ROBO2: variants seen among roughly 807,000 people sequenced by gnomAD.
ROBO2 encodes roundabout homolog 2.
Under a neutral mutation model 160.8 loss-of-function variants are expected in ROBO2, and 53 were observed. That is an observed-to-expected ratio of 0.33 (90% CI 0.26 to 0.41). ROBO2 has a LOEUF of 0.41. ROBO2 is among the 10% of genes least tolerant of loss of function. The pLI, the probability that ROBO2 is intolerant of heterozygous loss-of-function variation, is 1.00. For missense variants in ROBO2, 1,577 were observed against 1,722.4 expected (o/e 0.92, Z 1.49); for synonymous variants, 664 against 611.7 (o/e 1.09, Z -1.26).
At chr3:77,327,611 T>C (rs2065540097) in intron 2 of ROBO2, among the ~76,000 whole-genome samples, 1 of 152,040 alleles carries the variant, frequency 6.6e-6, no homozygotes, top group Non-Finnish European at 1.5e-5. Context: ...CCAATGACAA[T>C]AGGCAAAGAA....
chr3:76,646,202 G>A (rs2090962262), intron 2 of ROBO2, among the ~76,000 whole-genome samples: 2 of 152,180 alleles, frequency 1.3e-5, no homozygotes, highest in Non-Finnish European at 2.9e-5. Flanking sequence ...AGATACCCTT[G>A]TAGTCCTGGG....
At chr3:77,095,552 G>A (rs935161145) in intron 1 of ROBO2, among the ~76,000 whole-genome samples, 1 of 152,042 alleles carries the variant, frequency 6.6e-6, no homozygotes, top group Admixed American at 6.5e-5. Context: ...GAGAATGTAG[G>A]TTACTGTGCA....
At chr3:76,917,875 GAGAGA>G (rs890710263) in intron 2 of ROBO2, among the ~76,000 whole-genome samples, 4 of 152,162 alleles carry the variant, frequency 2.6e-5, no homozygotes, top group Admixed American at 6.5e-5. Context: ...ATGAGGAAAA[GAGAGA>G]AGAGATCAGA....
At position 76,102,893 on chromosome 3, in the gene ROBO2, C is replaced by T. The variant is rs143270551; in HGVS notation, c.109+165291C>T. Among the ~76,000 whole-genome samples, 819 of 151,400 alleles carry T rather than the reference C, an allele frequency of 5.4e-3. 11 individuals are homozygous for T. The highest frequency in any genetic ancestry group is 0.019 in the African/African-American group (783 of 41,164). Reference sequence around the variant, plus strand: ...AGGCTGGTGTGCAGTGGTGCGATCTCGGCTCACTGCAAGCTCTGCCTCCCG... The same window carrying T: ...AGGCTGGTGTGCAGTGGTGCGATCTTGGCTCACTGCAAGCTCTGCCTCCCG... On this transcript the variant is annotated intron_variant, in intron 2 of 26. Transcript: ENST00000487694.
intron 2 of ROBO2, among the ~76,000 whole-genome samples, chr3:77,400,438 G>A (rs959795061): frequency 2.6e-5 from 4 of 152,124 alleles, no homozygotes; most frequent in African/African-American, 9.7e-5. Context: ...GTCTTTTGGG[G>A]GGCCTTTTAA....
intron 2 of ROBO2, among the ~76,000 whole-genome samples, chr3:76,536,445 T>G (rs1303848532): frequency 6.6e-6 from 1 of 152,110 alleles, no homozygotes; most frequent in Non-Finnish European, 1.5e-5. Context: ...TGTCTAAGGG[T>G]AGCCACCAAG....
intron 2 of ROBO2, among the ~76,000 whole-genome samples, chr3:76,192,225 G>C (rs35569998): frequency 0.011 from 1,691 of 148,424 alleles, 36 homozygotes; most frequent in African/African-American, 0.04. Flanking sequence ...CCTGACCTTC[G>C]ATTGGCTTAC....
chr3:76,337,492 T>G (rs1440905716), intron 2 of ROBO2, among the ~76,000 whole-genome samples: 1 of 152,198 alleles, frequency 6.6e-6, no homozygotes, highest in African/African-American at 2.4e-5. Flanking sequence ...TTCTCTTATT[T>G]GGTTACGGCT....
At chr3:77,274,917 T>C (rs1338891355) in intron 2 of ROBO2, among the ~76,000 whole-genome samples, 1 of 152,110 alleles carries the variant, frequency 6.6e-6, no homozygotes, top group Non-Finnish European at 1.5e-5. Context: ...AAAACAGATA[T>C]CTATTTATTC....
chr3:76,863,055 G>T (rs13095918), intron 2 of ROBO2, among the ~76,000 whole-genome samples: 1 of 151,804 alleles, frequency 6.6e-6, no homozygotes. Context: ...TAAATCTTTC[G>T]TGCTGTAACT....
At chr3:76,612,281 A>T (rs956745837) in intron 2 of ROBO2, among the ~76,000 whole-genome samples, 1 of 152,216 alleles carries the variant, frequency 6.6e-6, no homozygotes, top group African/African-American at 2.4e-5. Context: ...TTGGGTCTAT[A>T]GCGCAGATTA....
At chr3:76,268,980 T>G (rs1707263299) in intron 2 of ROBO2, among the ~76,000 whole-genome samples, 1 of 152,178 alleles carries the variant, frequency 6.6e-6, no homozygotes, top group South Asian at 2.1e-4. Context: ...GAGATTTGTT[T>G]AATATTATTT....
At chr3:77,241,458 T>C (rs960601480) in intron 2 of ROBO2, among the ~76,000 whole-genome samples, 10 of 152,240 alleles carry the variant, frequency 6.6e-5, no homozygotes, top group Non-Finnish European at 2.9e-5. Flanking sequence ...AATTTTATTC[T>C]AGTTTTCTTG....
chr3:76,418,067 A>G (rs749559809), intron 2 of ROBO2, among the ~76,000 whole-genome samples: 4 of 151,898 alleles, frequency 2.6e-5, no homozygotes, highest in African/African-American at 4.8e-5. Flanking sequence ...TAAATTGTAA[A>G]CAGGCAAAAC....
intron 2 of ROBO2, among the ~76,000 whole-genome samples, chr3:76,210,763 T>C (rs543986859): frequency 6.4e-4 from 98 of 152,268 alleles, no homozygotes; most frequent in African/African-American, 2.2e-3. Context: ...TCATGCAAGT[T>C]GCACAAAGAA....
At chr3:77,362,773 A>C (rs921453295) in intron 2 of ROBO2, among the ~76,000 whole-genome samples, 1 of 152,164 alleles carries the variant, frequency 6.6e-6, no homozygotes, top group Non-Finnish European at 1.5e-5. Flanking sequence ...ATGGCTAGGG[A>C]GGCCTCACAA....
chr3:76,844,069 C>T (rs1287277821), intron 2 of ROBO2, among the ~76,000 whole-genome samples: 1 of 151,806 alleles, frequency 6.6e-6, no homozygotes, highest in African/African-American at 2.4e-5. Context: ...AGAAGCGTTC[C>T]GGTTCTTTGT....
chr3:76,931,502 G>C (rs2077336513), intron 2 of ROBO2, among the ~76,000 whole-genome samples: 2 of 151,120 alleles, frequency 1.3e-5, no homozygotes, highest in South Asian at 4.2e-4. Context: ...ATCTATTTAT[G>C]CTACCTTTTT....
chr3:76,585,849 T>C (rs1277238998), intron 2 of ROBO2, among the ~76,000 whole-genome samples: 5 of 152,216 alleles, frequency 3.3e-5, no homozygotes, highest in African/African-American at 4.8e-5. Context: ...TGTACATGCG[T>C]ATACAGTATG....
Sources: allele counts gnomAD v4.1 joint callset (sites outside exome capture counted in the v4.1 genomes callset), GRCh38; gene constraint gnomAD v4.1.1; transcripts MANE v1.5; gene names NCBI Gene and HGNC (gene_info 2026-07-23, HGNC 2026-07-21).